Variants in TBX5 observed in about 807,000 individuals in gnomAD.
TBX5 encodes the protein T-box transcription factor 5.
In TBX5, 8 loss-of-function variants were observed where a neutral mutation model predicts 51.1. The observed-to-expected ratio is 0.16, with a 90% CI of 0.09 to 0.28. TBX5 has a LOEUF of 0.28. Among genes scored for constraint, TBX5 ranks in the 10% least tolerant of loss-of-function variants. TBX5 has a pLI of 1.00. For synonymous variants in TBX5, 302 were observed against 266.4 expected (o/e 1.13, Z -1.30); for missense variants, 589 against 671.7 (o/e 0.88, Z 1.36).
intron 7 of TBX5, among the ~76,000 whole-genome samples, chr12:114,378,964 G>A (rs936763046): frequency 3.9e-5 from 6 of 152,290 alleles, no homozygotes; most frequent in South Asian, 4.2e-4. Context: ...GGACCAGGTG[G>A]CTTCCACTTC....
intron 6 of TBX5, among the ~76,000 whole-genome samples, chr12:114,387,098 T>TC (rs1870857660): frequency 1.3e-5 from 2 of 150,948 alleles, no homozygotes; most frequent in Admixed American, 6.6e-5. Flanking sequence ...AGAGCAAAAT[T>TC]CCGTCTCAAA....
At chr12:114,398,809 T>C in intron 4 of TBX5, 89 bp from the exon 5 acceptor site, 1 of 1,471,648 alleles carries the variant, frequency 6.8e-7, no homozygotes, top group Non-Finnish European at 9.3e-7. Context: ...ACGCACCAGG[T>C]GAGGGTTGTT....
rs886373981 is a variant in TBX5, at chr12:114,403,941, G to C, written c.-38-5C>G. On this transcript the variant is annotated splice_region_variant and splice_polypyrimidine_tract_variant and intron_variant, in intron 1 of 8. Transcript: ENST00000405440. ...GTGCCCGCGCAAGGTTCTGCTCTGAGGACAAGAAGCAGGGGGAGATGGGGG... is the reference window on the plus strand; with the variant it reads ...GTGCCCGCGCAAGGTTCTGCTCTGACGACAAGAAGCAGGGGGAGATGGGGG... 1.2e-6 allele frequency: 2 copies of C among 1,601,762 alleles called. No homozygotes were observed. The highest frequency in any genetic ancestry group is 1.7e-5 in the Admixed American group (1 of 59,474).
chr12:114,359,457 G>T (rs1869115225), intron 8 of TBX5, among the ~76,000 whole-genome samples: 1 of 152,140 alleles, frequency 6.6e-6, no homozygotes, highest in Non-Finnish European at 1.5e-5. Context: ...GTTGGTAAAT[G>T]GGCTATACTT....
intron 7 of TBX5, among the ~76,000 whole-genome samples, chr12:114,381,698 T>C (rs1340345153): frequency 2.6e-5 from 4 of 152,156 alleles, no homozygotes; most frequent in Non-Finnish European, 4.4e-5. Flanking sequence ...CTCATACTGA[T>C]AAATGTAGAA....
At chr12:114,385,173 G>A (rs1870733389) in intron 7 of TBX5, among the ~76,000 whole-genome samples, 3 of 152,094 alleles carry the variant, frequency 2.0e-5, no homozygotes, top group Admixed American at 2.0e-4. Context: ...TCCCTACAGG[G>A]AGAGAGACAG....
At chr12:114,370,443 C>T (rs772156266) in intron 7 of TBX5, among the ~76,000 whole-genome samples, 1 of 152,154 alleles carries the variant, frequency 6.6e-6, no homozygotes, top group Non-Finnish European at 1.5e-5. Flanking sequence ...AGGGTCAATC[C>T]TATTCCAAAA....
At position 114,358,983 on chromosome 12, in the gene TBX5, A is replaced by G. The variant is rs1050995553; in HGVS notation, c.983-2877T>C. Among the ~76,000 whole-genome samples, 49 of 152,166 alleles carry G rather than the reference A, an allele frequency of 3.2e-4. 1 individual carries two copies. Among genetic ancestry groups the G allele is most frequent in the Admixed American group, 3.2e-3 (49 of 15,290 alleles). ...AATTAACCAGGGTGTTACCCTTTTCAATAATAGAAAGTACAGCTGCAGGGC... is the reference window on the plus strand; with the variant it reads ...AATTAACCAGGGTGTTACCCTTTTCGATAATAGAAAGTACAGCTGCAGGGC... On this transcript the variant is annotated intron_variant, in intron 8 of 8. Coordinates refer to ENST00000405440, the MANE Select transcript of TBX5 (RefSeq NM_181486.4).
At chr12:114,359,470 G>A (rs533485882) in intron 8 of TBX5, among the ~76,000 whole-genome samples, 1 of 152,266 alleles carries the variant, frequency 6.6e-6, no homozygotes, top group East Asian at 1.9e-4. Flanking sequence ...CTATACTTAA[G>A]TATCAAGTCT....
intron 7 of TBX5, among the ~76,000 whole-genome samples, chr12:114,367,538 C>T (rs1869615448): frequency 6.6e-6 from 1 of 151,868 alleles, no homozygotes; most frequent in Non-Finnish European, 1.5e-5. Context: ...TTTTTTTCCT[C>T]AGAAGGACTC....
At position 114,366,261 on chromosome 12, in the gene TBX5, CATTCTCACACTGGTATTGGGACCCCAA is replaced by C; in HGVS notation, c.859_885del (p.Leu287_Asn295del). 1.2e-6 allele frequency: 2 copies of C among 1,614,074 alleles called. No homozygotes were observed. Among genetic ancestry groups the C allele is most frequent in the Non-Finnish European group, 1.7e-6 (2 of 1,180,024 alleles). On this transcript the variant is annotated inframe_deletion, in exon 8 of 9. Transcript: ENST00000405440. ...AGGTCCTGGGAGGGGCCGGAAACAC[CATTCTCACACTGGTATTGGGACCCCAA>C]ATTGGATGAGGTGGAGAGAGCTCGA...
In TBX5 at chr12:114,355,277, G is replaced by T. The variant is rs987765455; in HGVS notation, c.*255C>A. The T allele has an allele frequency of 7.5e-6, 4 of 533,820 alleles. No individual in the cohort carries two copies. Among genetic ancestry groups the T allele is most frequent in the East Asian group, 3.8e-5 (1 of 26,084 alleles). The allele number at this position is 533,820 out of a possible 1,614,324, so 33.1% of individuals were successfully genotyped here. On this transcript the variant is annotated 3_prime_UTR_variant, in exon 9 of 9. Coordinates refer to ENST00000405440, the MANE Select transcript of TBX5 (RefSeq NM_181486.4). The stretch of plus-strand genomic sequence containing the variant: ...GCTGGTTGATGGGTGTGGTGGTAGT[G>T]GGGGGTGGGACTCATCTTTTTGTGT...
intron 7 of TBX5, among the ~76,000 whole-genome samples, chr12:114,384,381 T>G (rs2074371755): frequency 6.6e-6 from 1 of 152,030 alleles, no homozygotes; most frequent in South Asian, 2.1e-4. Context: ...GTTCAAGAAA[T>G]CCTCCTGCCT....
chr12:114,378,073 G>A (rs891217660), intron 7 of TBX5, among the ~76,000 whole-genome samples: 3 of 152,048 alleles, frequency 2.0e-5, no homozygotes, highest in Admixed American at 6.6e-5. Flanking sequence ...CCCTGATGCC[G>A]TCTGCAGCAC....
chr12:114,387,604 T>C (rs1870887713), intron 6 of TBX5, among the ~76,000 whole-genome samples: 1 of 152,198 alleles, frequency 6.6e-6, no homozygotes, highest in Non-Finnish European at 1.5e-5. Context: ...CATTATGTAT[T>C]TGTCCAAACC....
chr12:114,398,758 A>G (rs1472417806), intron 4 of TBX5, 38 bp from the exon 5 acceptor site: 3 of 1,580,590 alleles, frequency 1.9e-6, no homozygotes, highest in Non-Finnish European at 2.6e-6. Flanking sequence ...CCTGGCTCAG[A>G]GTCTGGAGGT....
intron 4 of TBX5, 98 bp downstream of exon 4, chr12:114,399,415 A>C: frequency 4.6e-5 from 9 of 197,794 alleles, no homozygotes; most frequent in Middle Eastern, 1.2e-3. Flanking sequence ...AGTAGGAACT[A>C]AAAAAAAAAA....
At chr12:114,375,423 G>A (rs1330791494) in intron 7 of TBX5, among the ~76,000 whole-genome samples, 3 of 152,012 alleles carry the variant, frequency 2.0e-5, no homozygotes, top group Non-Finnish European at 4.4e-5. Flanking sequence ...GCTCAATTGT[G>A]GATGAACTCA....
chr12:114,378,987 T>C (rs1870358441), intron 7 of TBX5, among the ~76,000 whole-genome samples: 1 of 152,210 alleles, frequency 6.6e-6, no homozygotes, highest in East Asian at 1.9e-4. Flanking sequence ...TGAGAAAGTC[T>C]GAACACCCTG....
Sources: gnomAD v4.1 joint callset for allele counts (sites outside exome capture counted in the v4.1 genomes callset) on GRCh38, gnomAD v4.1.1 for gene constraint, MANE v1.5 for transcripts, NCBI Gene and HGNC (gene_info 2026-07-23, HGNC 2026-07-21) for gene names.